KNDC1: variants seen among roughly 807,000 people sequenced by gnomAD.
KNDC1 encodes the protein kinase non-catalytic C-lobe domain containing 1.
KNDC1 carries 106 observed loss-of-function variants against 172.8 expected under a neutral mutation model. That is an observed-to-expected ratio of 0.61 (90% CI 0.52 to 0.72). The LOEUF is 0.72. KNDC1 is among the 30% of genes least tolerant of loss of function. The pLI is 0.00. For missense variants in KNDC1, 2,325 were observed against 2,394.5 expected, an observed-to-expected ratio of 0.97 and a Z score of 0.61; for synonymous variants, 1,083 against 1,062.2, an observed-to-expected ratio of 1.02 and a Z score of -0.38.
At chr10:133,215,580 G>A (rs1296514786) in intron 26 of KNDC1, among the ~76,000 whole-genome samples, 1 of 152,258 alleles carries the variant, frequency 6.6e-6, no homozygotes, top group Non-Finnish European at 1.5e-5. Context: ...CCCTAAACCA[G>A]AGCCTTCACG....
Position 133,201,877 on chromosome 10 carries a change from C to T in KNDC1, c.3366C>T (p.Ala1122=), listed in dbSNP as rs775874980. The T allele has an allele frequency of 3.4e-5, 50 of 1,472,050 alleles. No homozygotes were observed. Among genetic ancestry groups the T allele is most frequent in the Non-Finnish European group, 3.6e-6 (4 of 1,113,476 alleles). The allele number at this position is 1,472,050 out of a possible 1,614,324, so 91.2% of individuals were successfully genotyped here. A position where few individuals can be genotyped will look rare whatever the true frequency, so the allele number is the denominator to read the frequency against. ...KDLGRQQADG[A]LPDAQSPELE... is the part of the protein sequence containing the mutation. ...TGGGGCGGCAGCAGGCGGACGGGGC[C>T]CTGCCCGACGCCCAGAGCCCGGTGA... is the stretch of plus-strand genomic sequence containing the variant. The change falls in exon 17 of 30, where the codon GCC becomes GCT. Residue 1122 remains alanine (A), a synonymous_variant. Transcript: ENST00000304613.
chr10:133,188,759 C>A, intron 7 of KNDC1, 106 bp downstream of exon 7: 2 of 590,046 alleles, frequency 3.4e-6, no homozygotes, highest in Non-Finnish European at 3.0e-6. Flanking sequence ...CACACCGTCC[C>A]ACGCCCCCCC....
At chr10:133,210,966 G>A (rs1412373163) in intron 21 of KNDC1, among the ~76,000 whole-genome samples, 1 of 152,136 alleles carries the variant, frequency 6.6e-6, no homozygotes, top group Non-Finnish European at 1.5e-5. Flanking sequence ...GGGGACCTGG[G>A]GGAGTCGGGG....
In KNDC1 at chr10:133,189,739, G is replaced by A. The variant is rs1205128828; in HGVS notation, c.1514-13G>A. 1 of 1,614,082 alleles carries A rather than the reference G, an allele frequency of 6.2e-7. No homozygotes were observed. Among genetic ancestry groups the A allele is most frequent in the East Asian group, 2.2e-5 (1 of 44,878 alleles). ...CCAGGGGTGAGGAAAGCTCAGTCGG[G>A]TTTCTCTCTTAGGTTCCTATGACTC... On this transcript the variant is annotated splice_polypyrimidine_tract_variant and intron_variant, in intron 8 of 29. Transcript: ENST00000304613.
At chr10:133,202,357 C>A (rs1270794178) in intron 17 of KNDC1, 9 of 453,154 alleles carry the variant, frequency 2.0e-5, no homozygotes. Flanking sequence ...GGCTTTCTGG[C>A]CAGCAGTGCC....
At position 133,167,413 on chromosome 10, in the gene KNDC1, G is replaced by A. The variant is rs755924536; in HGVS notation, c.135G>A (p.Leu45=). The A allele has an allele frequency of 6.2e-6, 10 of 1,600,322 alleles. No homozygotes were observed. The highest frequency in any genetic ancestry group is 1.7e-6 in the Non-Finnish European group (2 of 1,175,326). The change falls in exon 2 of 30, where the codon CTG becomes CTA. Residue 45 remains leucine, a synonymous_variant. Coordinates refer to ENST00000304613, the MANE Select transcript of KNDC1 (RefSeq NM_152643.8). ...TGTCTCTGGCTGACATCCTCTCCCT[G>A]CGGGACCGCGGCCTCAGCGAGCAGG... ...ENVSLADILS[L]RDRGLSEQEA... is the part of the protein sequence containing the mutation.
rs12220142 is a variant in KNDC1, at chr10:133,167,341, G to A, written c.103-40G>A. 161 of 1,528,178 alleles carry A rather than the reference G, an allele frequency of 1.1e-4. No individual in the cohort carries two copies. The East Asian group carries it at 3.7e-3, about 35-fold the overall frequency. 94.7% of individuals were successfully genotyped at this position (1,528,178 alleles called of 1,614,324 possible). On this transcript the variant is annotated intron_variant, in intron 1 of 29. Coordinates refer to ENST00000304613, the MANE Select transcript of KNDC1 (RefSeq NM_152643.8). The stretch of plus-strand genomic sequence containing the variant: ...CGGTGGGGGTGCCGGGGCCTGGCTG[G>A]GGGTCCTGCCGGGCTCACGGCCAGG...
chr10:133,177,001 G>A (rs73386701), intron 3 of KNDC1, among the ~76,000 whole-genome samples: 11,763 of 152,294 alleles, frequency 0.077, 1,470 homozygotes, highest in African/African-American at 0.26. Context: ...ATCTGAGTCT[G>A]CGTTCCCTGC....
intron 14 of KNDC1, 92 bp from the exon 15 acceptor site, chr10:133,199,366 G>C: frequency 6.4e-7 from 1 of 1,565,558 alleles, no homozygotes; most frequent in Non-Finnish European, 8.7e-7. Context: ...CCCCCCAGCC[G>C]AGATCAGCCT....
chr10:133,211,750 G>A lies in KNDC1; in HGVS notation c.4128G>A (p.Glu1376=), dbSNP rs1288676946. The A allele has an allele frequency of 6.2e-7, 1 of 1,610,200 alleles. No homozygotes were observed. The highest frequency in any genetic ancestry group is 1.1e-5 in the South Asian group (1 of 91,008). The change falls in exon 23 of 30, where the codon GAG becomes GAA. Residue 1376 remains glutamate (E), a synonymous_variant. Transcript: ENST00000304613. ...LLEVGMDRRA[E]GNPRGTDLEN... is the part of the protein sequence containing the mutation. ...AGGTGGGCATGGACCGGCGGGCCGAGGGCAACCCTCGCGGCACAGACCTGG... is the reference window on the plus strand; with the variant it reads ...AGGTGGGCATGGACCGGCGGGCCGAAGGCAACCCTCGCGGCACAGACCTGG...
intron 23 of KNDC1, among the ~76,000 whole-genome samples, chr10:133,212,367 G>A (rs1056357381): frequency 1.4e-4 from 21 of 152,220 alleles, no homozygotes; most frequent in Non-Finnish European, 2.2e-4. Context: ...GCCCTGCTGC[G>A]CTGGCACCTC....
chr10:133,199,822 C>T (rs1250689137), intron 15 of KNDC1, among the ~76,000 whole-genome samples: 1 of 152,196 alleles, frequency 6.6e-6, no homozygotes, highest in African/African-American at 2.4e-5. Context: ...ACCTGGGTTT[C>T]TTCTGGAGGA....
In KNDC1 at chr10:133,186,234, G is replaced by T; in HGVS notation, c.886G>T (p.Ala296Ser). The change falls in exon 6 of 30, where the codon GCC (alanine) becomes TCC (serine). Residue 296 changes from alanine to serine, a missense_variant. Transcript: ENST00000304613. ...ERTLGELDRDALRRSRLRKVQ... is the reference protein window; with the variant it reads ...ERTLGELDRDSLRRSRLRKVQ... ...CACCCTCGGGGAGCTGGACAGAGAC[G>T]CCCTCAGGAGAAGCCGCCTGCGGAA... The T allele has an allele frequency of 1.3e-6, 2 of 1,590,178 alleles. No homozygotes were observed. The highest frequency in any genetic ancestry group is 1.1e-5 in the South Asian group (1 of 87,864).
At chr10:133,215,961 C>A (rs56360219) in intron 26 of KNDC1, among the ~76,000 whole-genome samples, 16,609 of 152,256 alleles carry the variant, frequency 0.11, 1,407 homozygotes, top group African/African-American at 0.23. Context: ...CGGGAGCGGA[C>A]GGACCTCGCC....
At chr10:133,174,083 T>C (rs1853455168) in intron 3 of KNDC1, 1 of 152,322 alleles carries the variant, frequency 6.6e-6, no homozygotes, top group African/African-American at 2.4e-5. Flanking sequence ...GCGTCTGGGC[T>C]CACAGACAGC....
At chr10:133,178,626 C>T (rs983206256) in intron 3 of KNDC1, among the ~76,000 whole-genome samples, 4 of 149,874 alleles carry the variant, frequency 2.7e-5, no homozygotes, top group Non-Finnish European at 5.9e-5. Flanking sequence ...TCTCCCCATG[C>T]GATCTGAGTG....
At chr10:133,201,062 G>A (rs929547697) in intron 16 of KNDC1, among the ~76,000 whole-genome samples, 4 of 152,242 alleles carry the variant, frequency 2.6e-5, no homozygotes, top group Admixed American at 1.3e-4. Flanking sequence ...CATGAGGCCC[G>A]TGCACTCCTG....
intron 26 of KNDC1, among the ~76,000 whole-genome samples, chr10:133,217,463 C>T (rs1465394436): frequency 6.6e-6 from 1 of 152,284 alleles, no homozygotes; most frequent in Non-Finnish European, 1.5e-5. Flanking sequence ...TGGCTCACGC[C>T]TCTAATCCCA....
Position 133,224,972 on chromosome 10 carries a change from C to A in KNDC1, c.*82C>A. ...TGGGAGGTGGGAGCCGCGTCTCAGG[C>A]CCGGCCGTTATCAAGGCCCCTCCGC... is the stretch of plus-strand genomic sequence containing the variant. On this transcript the variant is annotated 3_prime_UTR_variant, in exon 30 of 30. Transcript: ENST00000304613. This position sits in a 1 kb window ranked among gnomAD's most constrained non-coding sequence, Gnocchi z 5.4. 1 of 1,160,904 alleles carries A rather than the reference C, an allele frequency of 8.6e-7. No individual in the cohort carries two copies. The highest frequency in any genetic ancestry group is 1.4e-5 in the South Asian group (1 of 73,722). The allele number at this position is 1,160,904 out of a possible 1,614,324, so 71.9% of individuals were successfully genotyped here. A position where few individuals can be genotyped will look rare whatever the true frequency, so the allele number is the denominator to read the frequency against.
Sources: gnomAD v4.1 joint callset for allele counts (sites outside exome capture counted in the v4.1 genomes callset) on GRCh38, gnomAD v4.1.1 for gene constraint, Gnocchi (gnomAD v3.1) non-coding constraint, MANE v1.5 for transcripts, NCBI Gene and HGNC (gene_info 2026-07-23, HGNC 2026-07-21) for gene names.